The following NEDD4L variants were observed in gnomAD, a reference collection of about 807,000 sequenced individuals.
NEDD4L encodes NEDD4 like E3 ubiquitin protein ligase.
NEDD4L carries 54 observed loss-of-function variants against 148.9 expected under a neutral mutation model. The observed-to-expected ratio is 0.36, with a 90% CI of 0.29 to 0.45. The LOEUF (loss-of-function observed/expected upper bound fraction) is 0.45, where lower values mean the gene tolerates loss of function less well. Ranked by LOEUF, NEDD4L falls within the 20% of genes least tolerant of loss-of-function variation. NEDD4L has a pLI of 1.00. For missense variants in NEDD4L, 856 were observed against 1,233.8 expected (o/e 0.69, Z 4.59); for synonymous variants, 433 against 440.7 (o/e 0.98, Z 0.22).
intron 2 of NEDD4L, among the ~76,000 whole-genome samples, chr18:58,173,344 A>G (rs570142547): frequency 7.9e-5 from 12 of 152,358 alleles, no homozygotes; most frequent in African/African-American, 2.9e-4. Context: ...TCATGCTTTC[A>G]TAAAGAAGGT....
intron 1 of NEDD4L, among the ~76,000 whole-genome samples, chr18:58,158,077 T>C (rs2146450611): frequency 6.6e-6 from 1 of 152,360 alleles, no homozygotes; most frequent in South Asian, 2.1e-4. Flanking sequence ...CTTATGATCC[T>C]GAGTGAGGAT....
In NEDD4L at chr18:58,396,888, A is replaced by G. The variant is rs1056927535; in HGVS notation, c.*619A>G. ...AATTTCCAATATAATATTAGACATA[A>G]TGATAATTTTTTCCATACTCAGAAT... On this transcript the variant is annotated 3_prime_UTR_variant, in exon 31 of 31. Coordinates refer to ENST00000400345, the MANE Select transcript of NEDD4L (RefSeq NM_001144967.3). The G allele has an allele frequency of 1.3e-5, 2 of 152,650 alleles. No individual in the cohort carries two copies. Among genetic ancestry groups the G allele is most frequent in the African/African-American group, 4.8e-5 (2 of 41,456 alleles). The allele number at this position is 152,650 out of a possible 1,614,324, so 9.5% of individuals were successfully genotyped here.
chr18:58,059,011 T>C (rs2082209264), intron 1 of NEDD4L, among the ~76,000 whole-genome samples: 1 of 152,218 alleles, frequency 6.6e-6, no homozygotes, highest in South Asian at 2.1e-4. Context: ...GGTCAGTTGG[T>C]CAAAGCAAAA....
intron 5 of NEDD4L, among the ~76,000 whole-genome samples, chr18:58,271,544 C>G (rs915769962): frequency 1.3e-5 from 2 of 152,100 alleles, no homozygotes; most frequent in African/African-American, 2.4e-5. Context: ...TTAAAAGTTA[C>G]CCTTTTAGAG....
rs201102807 is a variant in NEDD4L at position 58,366,077 on chromosome 18, G to T, written c.1912G>T (p.Val638Leu). 2 of 1,613,326 alleles carry T rather than the reference G, an allele frequency of 1.2e-6. No individual in the cohort carries two copies. Among genetic ancestry groups the T allele is most frequent in the Non-Finnish European group, 1.7e-6 (2 of 1,179,578 alleles). Residue 638 changes from valine (V) to leucine (L), a missense_variant, in exon 21 of 31, where the codon GTG (valine) becomes TTG (leucine). Physicochemically the swap from Val to Leu is conservative, Grantham distance 32. This residue lies in a region of NEDD4L where 286 missense variants were observed against 531.8 expected (regional missense o/e 0.54). Transcript: ENST00000400345. This position sits in a 1 kb window ranked among gnomAD's most constrained non-coding sequence, Gnocchi z 4.2. ...FEESYRRIMSVKRPDVLKARL... is the reference protein window; with the variant it reads ...FEESYRRIMSLKRPDVLKARL... ...AGAGTCCTATCGGAGAATTATGTCCGTGAAAAGACCAGATGTCCTAAAAGC... is the reference window on the plus strand; with the variant it reads ...AGAGTCCTATCGGAGAATTATGTCCTTGAAAAGACCAGATGTCCTAAAAGC...
chr18:58,079,404 CAA>C (rs2083324471), intron 1 of NEDD4L, among the ~76,000 whole-genome samples: 1 of 152,186 alleles, frequency 6.6e-6, no homozygotes, highest in East Asian at 1.9e-4. Context: ...TTTTATGTAA[CAA>C]ACACTCACAG....
In NEDD4L at chr18:58,351,006, A is replaced by G. The variant is rs928322241; in HGVS notation, c.1669A>G (p.Arg557Gly). The G allele has an allele frequency of 6.3e-7, 1 of 1,593,574 alleles. No homozygotes were observed. Among genetic ancestry groups the G allele is most frequent in the Non-Finnish European group, 8.6e-7 (1 of 1,169,222 alleles). Reference protein sequence around the residue: ...LGPLPPGWEERIHLDGRTFYI... With the variant: ...LGPLPPGWEEGIHLDGRTFYI... ...CGGATACTAGCCTGGCTGGGAAGAA[A>G]GAATTCACTTGGATGGCCGAACGTT... Residue 557 changes from arginine to glycine, a missense_variant, in exon 18 of 31, where the codon AGA becomes GGA. By Grantham distance (125) the Arg-to-Gly change is moderately radical (BLOSUM62 -2). Around this residue, in one of 4 missense-constraint regions of NEDD4L, gnomAD observed 286 missense variants for 531.8 expected, o/e 0.54. Coordinates refer to ENST00000400345, the MANE Select transcript of NEDD4L (RefSeq NM_001144967.3).
chr18:58,339,567 T>C (rs1012255097), intron 13 of NEDD4L, among the ~76,000 whole-genome samples: 1 of 152,216 alleles, frequency 6.6e-6, no homozygotes, highest in African/African-American at 2.4e-5. Context: ...TTATAAACTA[T>C]CTTTAGGGAG....
chr18:58,376,072 A>G (rs932249199), intron 24 of NEDD4L, among the ~76,000 whole-genome samples: 2 of 152,194 alleles, frequency 1.3e-5, no homozygotes, highest in African/African-American at 4.8e-5. Context: ...TCATTCATAG[A>G]AAACCATATG....
chr18:58,113,804 C>T (rs2085570844), intron 1 of NEDD4L, among the ~76,000 whole-genome samples: 1 of 152,052 alleles, frequency 6.6e-6, no homozygotes, highest in African/African-American at 2.4e-5. Context: ...TGCTGTGTGG[C>T]AGATGGATTG....
chr18:58,191,991 T>G (rs1032411863), intron 2 of NEDD4L, among the ~76,000 whole-genome samples: 2 of 152,064 alleles, frequency 1.3e-5, no homozygotes, highest in Non-Finnish European at 2.9e-5. Flanking sequence ...GGTAACACGG[T>G]GAAACTCCAT....
At position 58,396,147 on chromosome 18, in the gene NEDD4L, A is replaced by G. The variant is rs752505030; in HGVS notation, c.2826-20A>G. On this transcript the variant is annotated intron_variant, in intron 30 of 30. Coordinates refer to ENST00000400345, the MANE Select transcript of NEDD4L (RefSeq NM_001144967.3). ...AGTGCTGTTGTGGCTTTTCACCTAC[A>G]CTTTTTGTTCCTTTTGCAGCTTTAA... 3 of 1,569,512 alleles carry G rather than the reference A, an allele frequency of 1.9e-6. No homozygotes were observed. In the African/African-American group the frequency reaches 4.1e-5, roughly 21 times the overall value.
chr18:58,384,754 G>A (rs1057445659), intron 25 of NEDD4L, among the ~76,000 whole-genome samples: 3 of 152,174 alleles, frequency 2.0e-5, no homozygotes, highest in Non-Finnish European at 4.4e-5. Context: ...CCACCTGAGA[G>A]GCCGCACAGT....
At chr18:58,202,612 C>T (rs1379936154) in intron 2 of NEDD4L, among the ~76,000 whole-genome samples, 1 of 152,246 alleles carries the variant, frequency 6.6e-6, no homozygotes. Flanking sequence ...TCCTGGTGCG[C>T]TCCTCCAGCC....
At chr18:58,367,934 C>A (rs368039153) in intron 22 of NEDD4L, 67 bp downstream of exon 22, 6 of 1,552,680 alleles carry the variant, frequency 3.9e-6, no homozygotes, top group Middle Eastern at 1.7e-4. Context: ...TCTTATCTTT[C>A]GCATCATGGG....
intron 9 of NEDD4L, among the ~76,000 whole-genome samples, chr18:58,328,255 A>G (rs2059485639): frequency 6.6e-6 from 1 of 152,194 alleles, no homozygotes; most frequent in Non-Finnish European, 1.5e-5. Context: ...ATGAGCCACC[A>G]TGCCCAGCCC....
At chr18:58,334,641 C>T (rs1039267969) in intron 12 of NEDD4L, among the ~76,000 whole-genome samples, 1 of 152,070 alleles carries the variant, frequency 6.6e-6, no homozygotes, top group Non-Finnish European at 1.5e-5. Flanking sequence ...GCTACAAAAC[C>T]TTGATCATTT....
chr18:58,087,735 G>A (rs544877556), intron 1 of NEDD4L, among the ~76,000 whole-genome samples: 1 of 152,146 alleles, frequency 6.6e-6, no homozygotes, highest in Admixed American at 6.5e-5. Flanking sequence ...TTAGCTGGGT[G>A]TGGTGGTGCA....
intron 10 of NEDD4L, among the ~76,000 whole-genome samples, chr18:58,330,293 G>A (rs1160085886): frequency 1.3e-5 from 2 of 152,228 alleles, no homozygotes; most frequent in Non-Finnish European, 2.9e-5. Context: ...CTCCCACGGT[G>A]AATCCTCAGT....
Sources: allele counts gnomAD v4.1 joint callset (sites outside exome capture counted in the v4.1 genomes callset), GRCh38; gene constraint gnomAD v4.1.1; regional missense constraint gnomAD v4.1.1; non-coding constraint Gnocchi (gnomAD v3.1); transcripts MANE v1.5; gene names NCBI Gene and HGNC (gene_info 2026-07-23, HGNC 2026-07-21).